CSTPP1: variants seen among roughly 807,000 people sequenced by gnomAD.
CSTPP1 encodes centriolar satellite-associated tubulin polyglutamylase complex regulator 1.
At chr11:46,956,322 G>A in the CSTPP1 span, among the ~76,000 whole-genome samples, 1 of 152,160 alleles carries the variant, frequency 6.6e-6, no homozygotes, top group Non-Finnish European at 1.5e-5. Context: ...CTTTTTGCCT[G>A]GTGCAGAAAC....
the CSTPP1 span, among the ~76,000 whole-genome samples, chr11:46,998,000 C>T: frequency 7.9e-5 from 12 of 152,170 alleles, no homozygotes; most frequent in Admixed American, 1.3e-4. Context: ...TTAGGCTACT[C>T]GGGGGTCAGG....
chr11:47,051,280 T>G, the CSTPP1 span, among the ~76,000 whole-genome samples: 3 of 152,246 alleles, frequency 2.0e-5, no homozygotes, highest in African/African-American at 2.4e-5. Context: ...TAAAGTTCAC[T>G]CTGGTAGGGA....
chr11:47,066,471 T>C, the CSTPP1 span, among the ~76,000 whole-genome samples: 1 of 151,974 alleles, frequency 6.6e-6, no homozygotes. Context: ...TGGAATGAGA[T>C]GTCCTGTACA....
At chr11:47,115,566 C>T in the CSTPP1 span, among the ~76,000 whole-genome samples, 1 of 152,140 alleles carries the variant, frequency 6.6e-6, no homozygotes, top group African/African-American at 2.4e-5. Flanking sequence ...AGGAATTTAT[C>T]CATTTCTTCT....
chr11:46,955,493 A>G, the CSTPP1 span, among the ~76,000 whole-genome samples: 4 of 151,566 alleles, frequency 2.6e-5, no homozygotes, highest in African/African-American at 7.3e-5. Context: ...CCTCCTGAAT[A>G]GCCGGGACCA....
chr11:47,010,959 A>C, the CSTPP1 span, among the ~76,000 whole-genome samples: 1 of 152,220 alleles, frequency 6.6e-6, no homozygotes, highest in Admixed American at 6.5e-5. Context: ...GACATCTAAT[A>C]AGTTTCCCAA....
the CSTPP1 span, among the ~76,000 whole-genome samples, chr11:47,060,258 C>CTTTTTTTTT: frequency 3.4e-3 from 336 of 99,030 alleles, 1 homozygote; most frequent in Middle Eastern, 6.3e-3. Context: ...CTTTTCTTTT[C>CTTTTTTTTT]TTTTTTTTTT....
the CSTPP1 span, among the ~76,000 whole-genome samples, chr11:47,089,418 G>A: frequency 6.6e-6 from 1 of 151,938 alleles, no homozygotes; most frequent in African/African-American, 2.4e-5. Context: ...CTCCCACCCG[G>A]GTGGACAGAG....
chr11:47,157,149 C>T, the CSTPP1 span: 30 of 1,613,230 alleles, frequency 1.9e-5, no homozygotes, highest in Admixed American at 1.8e-4. Context: ...GGGGCCGGCA[C>T]GCTGGAGGGC....
the CSTPP1 span, among the ~76,000 whole-genome samples, chr11:47,134,652 G>T: frequency 1.1e-4 from 16 of 152,276 alleles, no homozygotes; most frequent in Non-Finnish European, 1.6e-4. Flanking sequence ...GTGAACTGGT[G>T]CCCAAATGCA....
chr11:46,950,144 G>A, the CSTPP1 span, among the ~76,000 whole-genome samples: 1 of 150,508 alleles, frequency 6.6e-6, no homozygotes, highest in Non-Finnish European at 1.5e-5. Flanking sequence ...TTGCTGTTAG[G>A]TGACACAAAA....
the CSTPP1 span, among the ~76,000 whole-genome samples, chr11:47,099,084 C>T: frequency 2.0e-5 from 3 of 152,088 alleles, no homozygotes; most frequent in East Asian, 5.8e-4. Flanking sequence ...CCTCTAAAAG[C>T]GCTTCTGAAA....
At chr11:47,065,400 C>A in the CSTPP1 span, among the ~76,000 whole-genome samples, 88 of 152,084 alleles carry the variant, frequency 5.8e-4, no homozygotes, top group African/African-American at 2.1e-3. Flanking sequence ...GCCTTGAACT[C>A]CTGGGCTCAA....
chr11:47,118,572 T>C, the CSTPP1 span, among the ~76,000 whole-genome samples: 2 of 152,220 alleles, frequency 1.3e-5, no homozygotes, highest in Non-Finnish European at 2.9e-5. Context: ...CTCTGGTTTC[T>C]CCCCATCTTT....
chr11:47,123,495 C>T, the CSTPP1 span, among the ~76,000 whole-genome samples: 1 of 152,340 alleles, frequency 6.6e-6, no homozygotes, highest in African/African-American at 2.4e-5. Context: ...GTTTCACAAG[C>T]ATTATCTCAT....
chr11:47,044,178 A>G, the CSTPP1 span, among the ~76,000 whole-genome samples: 2 of 151,934 alleles, frequency 1.3e-5, no homozygotes, highest in African/African-American at 4.8e-5. Flanking sequence ...TAGTAGAGAC[A>G]GGGTTTCACC....
the CSTPP1 span, among the ~76,000 whole-genome samples, chr11:47,138,590 C>G: frequency 1.3e-5 from 2 of 152,190 alleles, no homozygotes; most frequent in East Asian, 3.8e-4. Flanking sequence ...TTAGAAGCCC[C>G]TAATTTCTGT....
the CSTPP1 span, among the ~76,000 whole-genome samples, chr11:47,156,527 G>C: frequency 6.6e-6 from 1 of 152,212 alleles, no homozygotes; most frequent in South Asian, 2.1e-4. Flanking sequence ...TTGAGGTAGA[G>C]AGGCAGGTGG....
chr11:47,012,188 G>A, the CSTPP1 span, among the ~76,000 whole-genome samples: 1 of 151,906 alleles, frequency 6.6e-6, no homozygotes, highest in Non-Finnish European at 1.5e-5. Flanking sequence ...CAAGAGGATT[G>A]CTTCAGCCCA....
Sources: gnomAD v4.1 joint callset for allele counts (sites outside exome capture counted in the v4.1 genomes callset) on GRCh38, gnomAD v4.1.1 for gene constraint, MANE v1.5 for transcripts, NCBI Gene and HGNC (gene_info 2026-07-23, HGNC 2026-07-21) for gene names.